The following CAMK2D variants were observed in gnomAD, a reference collection of about 807,000 sequenced individuals.
CAMK2D encodes calcium/calmodulin dependent protein kinase II delta.
Under a neutral mutation model 84.0 loss-of-function variants are expected in CAMK2D, and 37 were observed. That is an observed-to-expected ratio of 0.44 (90% CI 0.34 to 0.58). CAMK2D has a LOEUF of 0.58. Ranked by LOEUF, CAMK2D falls within the 20% of genes least tolerant of loss-of-function variation. The pLI is 0.02. For missense variants in CAMK2D, 448 were observed against 652.5 expected (o/e 0.69, Z 3.41); for synonymous variants, 202 against 212.5 (o/e 0.95, Z 0.43).
intron 16 of CAMK2D, among the ~76,000 whole-genome samples, chr4:113,499,715 C>A (rs2098004331): frequency 6.6e-6 from 1 of 152,080 alleles, no homozygotes; most frequent in Non-Finnish European, 1.5e-5. Context: ...AGAATATCTT[C>A]TAGACAACTG....
chr4:113,473,228 T>C (rs1042860819), intron 16 of CAMK2D, among the ~76,000 whole-genome samples: 10 of 152,208 alleles, frequency 6.6e-5, no homozygotes, highest in African/African-American at 2.4e-4. Context: ...TTATTGTCTT[T>C]TTCCATGCTG....
intron 13 of CAMK2D, chr4:113,508,199 T>A (rs903719766): frequency 8.8e-6 from 13 of 1,480,224 alleles, no homozygotes; most frequent in Non-Finnish European, 1.1e-5. Flanking sequence ...AAGTGTGAAT[T>A]TTCACAGGAG....
At chr4:113,607,437 G>A (rs886420695) in intron 4 of CAMK2D, among the ~76,000 whole-genome samples, 1 of 152,012 alleles carries the variant, frequency 6.6e-6, no homozygotes, top group African/African-American at 2.4e-5. Context: ...GCATTAAGAT[G>A]GTCTGGAGCA....
chr4:113,655,511 T>C (rs2099195500), intron 3 of CAMK2D, among the ~76,000 whole-genome samples: 1 of 152,120 alleles, frequency 6.6e-6, no homozygotes, highest in African/African-American at 2.4e-5. Flanking sequence ...TTAAGCCATA[T>C]TATAATGGGA....
chr4:113,720,899 G>A (rs1191891133), intron 2 of CAMK2D, among the ~76,000 whole-genome samples: 1 of 151,982 alleles, frequency 6.6e-6, no homozygotes, highest in Non-Finnish European at 1.5e-5. Context: ...TATTGAATAT[G>A]CCCATTATTA....
At chr4:113,754,562 G>C (rs1209965672) in intron 2 of CAMK2D, 26 of 979,798 alleles carry the variant, frequency 2.7e-5, no homozygotes, top group Non-Finnish European at 3.0e-5. Context: ...ACACAATCAG[G>C]TAGAGGTTTA....
At chr4:113,721,328 C>G (rs2099529862) in intron 2 of CAMK2D, among the ~76,000 whole-genome samples, 1 of 152,082 alleles carries the variant, frequency 6.6e-6, no homozygotes, top group Non-Finnish European at 1.5e-5. Flanking sequence ...ATAAAAACAT[C>G]AGATTTACTC....
intron 8 of CAMK2D, among the ~76,000 whole-genome samples, chr4:113,528,557 G>A (rs999873995): frequency 3.9e-5 from 6 of 152,114 alleles, no homozygotes; most frequent in Admixed American, 2.6e-4. Flanking sequence ...CAAAGAAAGA[G>A]TATGAAATGT....
intron 15 of CAMK2D, 118 bp downstream of exon 15, chr4:113,502,818 T>A: frequency 1.4e-6 from 1 of 721,286 alleles, no homozygotes; most frequent in South Asian, 1.6e-5. Context: ...AAAGGAAGTG[T>A]GGTAGAAAAT....
At chr4:113,573,136 C>T (rs2098762631) in intron 4 of CAMK2D, among the ~76,000 whole-genome samples, 1 of 152,144 alleles carries the variant, frequency 6.6e-6, no homozygotes, top group African/African-American at 2.4e-5. Context: ...TACAACGAAT[C>T]CCAGTGACAC....
chr4:113,695,734 C>T (rs1050549091), intron 2 of CAMK2D, among the ~76,000 whole-genome samples: 2 of 152,124 alleles, frequency 1.3e-5, no homozygotes, highest in East Asian at 1.9e-4. Flanking sequence ...ATTTATCTCC[C>T]TTCCTTTCTT....
chr4:113,645,476 A>G (rs898018535), intron 3 of CAMK2D, among the ~76,000 whole-genome samples: 5 of 152,194 alleles, frequency 3.3e-5, no homozygotes, highest in Non-Finnish European at 7.3e-5. Flanking sequence ...GCACAGCCCA[A>G]AATATTTACT....
At chr4:113,486,669 A>C (rs995620345) in intron 16 of CAMK2D, among the ~76,000 whole-genome samples, 1 of 152,206 alleles carries the variant, frequency 6.6e-6, no homozygotes, top group African/African-American at 2.4e-5. Context: ...CTGCTTCCTG[A>C]TGCTATACTT....
intron 7 of CAMK2D, among the ~76,000 whole-genome samples, chr4:113,534,610 T>G (rs2098477840): frequency 6.6e-6 from 1 of 152,202 alleles, no homozygotes. Flanking sequence ...TGGATGCTAT[T>G]GCTTTTACTG....
At chr4:113,691,848 G>A (rs2099388119) in intron 2 of CAMK2D, among the ~76,000 whole-genome samples, 1 of 152,200 alleles carries the variant, frequency 6.6e-6, no homozygotes, top group South Asian at 2.1e-4. Flanking sequence ...TAAATGGGTG[G>A]TGAGGGAAAC....
At chr4:113,570,698 A>T (rs1188950276) in intron 4 of CAMK2D, among the ~76,000 whole-genome samples, 1 of 152,206 alleles carries the variant, frequency 6.6e-6, no homozygotes, top group Non-Finnish European at 1.5e-5. Flanking sequence ...TAAAACTACT[A>T]GAAGAAAACA....
At chr4:113,748,160 C>A (rs1225957937) in intron 2 of CAMK2D, among the ~76,000 whole-genome samples, 1 of 152,080 alleles carries the variant, frequency 6.6e-6, no homozygotes, top group East Asian at 1.9e-4. Flanking sequence ...GTAAACACTC[C>A]CATTGTTAGA....
chr4:113,650,256 A>C (rs542596755), intron 3 of CAMK2D, among the ~76,000 whole-genome samples: 1 of 151,854 alleles, frequency 6.6e-6, no homozygotes, highest in Non-Finnish European at 1.5e-5. Context: ...GTGGTGGCTC[A>C]TGCCTGTAAT....
chr4:113,757,124 T>C (rs1257241661), intron 2 of CAMK2D, among the ~76,000 whole-genome samples: 44 of 152,120 alleles, frequency 2.9e-4, no homozygotes, highest in Non-Finnish European at 1.5e-5. Context: ...GGAAAGAGAC[T>C]AAACGAAATT....
Sources: gnomAD v4.1 joint callset for allele counts (sites outside exome capture counted in the v4.1 genomes callset) on GRCh38, gnomAD v4.1.1 for gene constraint, MANE v1.5 for transcripts, NCBI Gene and HGNC (gene_info 2026-07-23, HGNC 2026-07-21) for gene names.